The following EML6 variants were observed in gnomAD, a reference collection of about 807,000 sequenced individuals.
EML6 encodes the protein echinoderm microtubule-associated protein-like 6.
In EML6, 154 loss-of-function variants were observed where a neutral mutation model predicts 240.1. That is an observed-to-expected ratio of 0.64 (90% CI 0.56 to 0.73). The LOEUF is 0.73. Ranked by LOEUF, EML6 falls within the 30% of genes least tolerant of loss-of-function variation. The pLI is 0.00. For synonymous variants in EML6, 1,148 were observed against 899.0 expected (o/e 1.28, Z -4.95); for missense variants, 2,964 against 2,474.6 (o/e 1.20, Z -4.20).
intron 14 of EML6, chr2:54,867,635 A>AC (rs1671041826): frequency 1.3e-5 from 2 of 152,364 alleles, no homozygotes; most frequent in African/African-American, 4.8e-5. Context: ...AGTCCCAGCT[A>AC]CCCAGGAGGG....
chr2:54,971,407 A>G lies in EML6; in HGVS notation c.*1312A>G, dbSNP rs1475629240. The G allele has an allele frequency of 1.3e-5, 2 of 152,216 alleles. No individual in the cohort carries two copies. The highest frequency in any genetic ancestry group is 2.9e-5 in the Non-Finnish European group (2 of 68,044). The allele number at this position is 152,216 out of a possible 1,614,324, so 9.4% of individuals were successfully genotyped here. ...GTGCGGGACTGGTGGTTCTGAGCACATAGACGCCTATTAGTCCTTCTGGTC... is the reference window on the plus strand; with the variant it reads ...GTGCGGGACTGGTGGTTCTGAGCACGTAGACGCCTATTAGTCCTTCTGGTC... On this transcript the variant is annotated 3_prime_UTR_variant, in exon 42 of 42. Transcript: ENST00000356458.
rs938929052 is a variant in EML6 at position 54,847,487 on chromosome 2, C to T, written c.1051C>T (p.Leu351=). Reference sequence around the variant, plus strand: ...TTTTGACTTCGTTCTTGTGCCTAGGCTGTGGAGCCTGGCTGATCATGCCTT... The same window carrying T: ...TTTTGACTTCGTTCTTGTGCCTAGGTTGTGGAGCCTGGCTGATCATGCCTT... ...VTGSDDRSVR[L]WSLADHALIA... is the part of the protein sequence containing the mutation. The change falls in exon 9 of 42, where the codon CTG becomes TTG. Residue 351 remains leucine, a splice_region_variant and synonymous_variant. Transcript: ENST00000356458. 4 of 1,551,146 alleles carry T rather than the reference C, an allele frequency of 2.6e-6. No individual in the cohort carries two copies. In the African/African-American group the frequency reaches 4.1e-5, roughly 16 times the overall value.
intron 2 of EML6, among the ~76,000 whole-genome samples, chr2:54,812,322 G>GAAAA (rs11362235): frequency 1.4e-5 from 2 of 145,144 alleles, no homozygotes; most frequent in Non-Finnish European, 1.5e-5. Context: ...GCCAAACACT[G>GAAAA]AAAAAAAAAA....
In EML6 at chr2:54,724,980, C is replaced by G. The variant is rs559043648; in HGVS notation, c.-82C>G. On this transcript the variant is annotated 5_prime_UTR_variant, in exon 2 of 42. Coordinates refer to ENST00000356458, the MANE Select transcript of EML6 (RefSeq NM_001039753.4). This position sits in a 1 kb window ranked among gnomAD's most constrained non-coding sequence, Gnocchi z 5.2. ...GCGCCCTGCGCCGCGCGCTGAGCCC[C>G]TGCAGGTCCGCCGCAGCCCCAGCCT... 1.1e-5 allele frequency: 14 copies of G among 1,224,760 alleles called. No homozygotes were observed. The African/African-American group carries it at 2.1e-4, about 18-fold the overall frequency. 75.9% of individuals were successfully genotyped at this position (1,224,760 alleles called of 1,614,324 possible). A position where few individuals can be genotyped will look rare whatever the true frequency, so the allele number is the denominator to read the frequency against.
chr2:54,939,015 A>G (rs1184728779), intron 28 of EML6, among the ~76,000 whole-genome samples: 1 of 152,216 alleles, frequency 6.6e-6, no homozygotes, highest in Non-Finnish European at 1.5e-5. Flanking sequence ...TTTCTGTTTT[A>G]TACACTGCTT....
At chr2:54,817,558 G>T (rs774072105) in intron 4 of EML6, among the ~76,000 whole-genome samples, 15 of 152,154 alleles carry the variant, frequency 9.9e-5, no homozygotes, top group Non-Finnish European at 1.9e-4. Flanking sequence ...ATGTAGAATA[G>T]GCATTTCCAG....
At chr2:54,933,689 A>G (rs1003358068) in intron 28 of EML6, among the ~76,000 whole-genome samples, 1 of 152,098 alleles carries the variant, frequency 6.6e-6, no homozygotes, top group Non-Finnish European at 1.5e-5. Flanking sequence ...CCAAGATGGC[A>G]CTGCTGCACT....
At chr2:54,881,512 A>C (rs928964167) in intron 17 of EML6, 2 of 151,890 alleles carry the variant, frequency 1.3e-5, no homozygotes, top group African/African-American at 4.8e-5. Flanking sequence ...AAAATTAGCC[A>C]GGCGTGGTGG....
At chr2:54,898,403 T>C (rs1672882578) in intron 21 of EML6, among the ~76,000 whole-genome samples, 1 of 152,096 alleles carries the variant, frequency 6.6e-6, no homozygotes, top group Admixed American at 6.6e-5. Flanking sequence ...AGAGTCAGTC[T>C]GGGAAGATGT....
intron 7 of EML6, among the ~76,000 whole-genome samples, chr2:54,836,139 G>C (rs1669129472): frequency 6.6e-6 from 1 of 152,192 alleles, no homozygotes; most frequent in Admixed American, 6.5e-5. Flanking sequence ...GCTGGAGACA[G>C]ATTTGCAGCC....
intron 19 of EML6, 61 bp from the exon 20 acceptor site, chr2:54,894,854 G>C: frequency 8.5e-7 from 1 of 1,170,282 alleles, no homozygotes; most frequent in Non-Finnish European, 1.2e-6. Context: ...TCCTCCTGGG[G>C]CCAAGTGGGT....
At chr2:54,829,989 C>CT (rs1668787586) in intron 7 of EML6, among the ~76,000 whole-genome samples, 1 of 152,150 alleles carries the variant, frequency 6.6e-6, no homozygotes, top group Non-Finnish European at 1.5e-5. Flanking sequence ...GTTTCCTCAT[C>CT]TATAAAATGG....
chr2:54,878,008 T>A (rs759826128), intron 16 of EML6, among the ~76,000 whole-genome samples: 2 of 152,232 alleles, frequency 1.3e-5, no homozygotes, highest in Non-Finnish European at 2.9e-5. Flanking sequence ...GTTGCCAGAT[T>A]AAGCCAACAA....
intron 2 of EML6, among the ~76,000 whole-genome samples, chr2:54,733,761 G>T (rs193108710): frequency 1.3e-5 from 2 of 152,116 alleles, no homozygotes; most frequent in South Asian, 2.1e-4. Context: ...AAAGAGAATC[G>T]AATTGCTCTA....
chr2:54,867,400 T>A (rs1355943095), intron 14 of EML6: 1 of 152,392 alleles, frequency 6.6e-6, no homozygotes, highest in Non-Finnish European at 1.5e-5. Context: ...GTATTATGAA[T>A]ACATCAGTCC....
At chr2:54,903,587 TGAG>T in intron 24 of EML6, 85 bp downstream of exon 24, 1 of 1,245,646 alleles carries the variant, frequency 8.0e-7, no homozygotes, top group Non-Finnish European at 1.1e-6. Context: ...GAATGGCAGT[TGAG>T]TGTTAGAAAT....
intron 15 of EML6, among the ~76,000 whole-genome samples, chr2:54,870,704 A>G (rs1308491913): frequency 1.3e-5 from 2 of 151,796 alleles, no homozygotes; most frequent in Admixed American, 6.6e-5. Context: ...TTTTTTTTAC[A>G]TAAATCCCCA....
intron 2 of EML6, among the ~76,000 whole-genome samples, chr2:54,812,633 T>C (rs1488510499): frequency 6.6e-6 from 1 of 152,040 alleles, no homozygotes; most frequent in East Asian, 1.9e-4. Flanking sequence ...CAGAGAAAAA[T>C]TGCTATACAA....
chr2:54,782,956 G>A (rs1031842381), intron 2 of EML6, among the ~76,000 whole-genome samples: 1 of 152,198 alleles, frequency 6.6e-6, no homozygotes, highest in Non-Finnish European at 1.5e-5. Flanking sequence ...TGTGTAAAGG[G>A]TTTAGCTTCC....
Sources: gnomAD v4.1 joint callset for allele counts (sites outside exome capture counted in the v4.1 genomes callset) on GRCh38, gnomAD v4.1.1 for gene constraint, Gnocchi (gnomAD v3.1) non-coding constraint, MANE v1.5 for transcripts, NCBI Gene and HGNC (gene_info 2026-07-23, HGNC 2026-07-21) for gene names.